Variants in TRPM1 observed in about 807,000 individuals in gnomAD.
The protein encoded by TRPM1 is TRPM1-203 APA Isoform, Intron 10.
TRPM1 carries 113 observed loss-of-function variants against 149.4 expected under a neutral mutation model. The observed-to-expected ratio is 0.76, with a 90% CI of 0.65 to 0.88. The LOEUF (loss-of-function observed/expected upper bound fraction) is 0.88. TRPM1 is among the 40% of genes least tolerant of loss of function. TRPM1 has a pLI of 0.00. For synonymous variants in TRPM1, 741 were observed against 759.5 expected (o/e 0.98, Z 0.40); for missense variants, 1,976 against 2,038.7 (o/e 0.97, Z 0.59).
intron 1 of TRPM1, among the ~76,000 whole-genome samples, chr15:31,083,410 T>G (rs1004941528): frequency 3.9e-5 from 6 of 152,130 alleles, no homozygotes; most frequent in African/African-American, 1.4e-4. Context: ...CCTCAGGATG[T>G]GGGAACGCTG....
chr15:31,006,327 G>A (rs952281621), intron 27 of TRPM1, among the ~76,000 whole-genome samples: 7 of 152,092 alleles, frequency 4.6e-5, no homozygotes, highest in East Asian at 1.9e-4. Context: ...ACAGGCGCCC[G>A]CCACCATGCC....
intron 1 of TRPM1, among the ~76,000 whole-genome samples, chr15:31,090,167 C>T (rs2035194766): frequency 6.6e-6 from 1 of 152,168 alleles, no homozygotes; most frequent in Admixed American, 6.5e-5. Flanking sequence ...TCTCAGCACA[C>T]ATGCTCTCGT....
chr15:31,045,332 A>G (rs1201062914), intron 16 of TRPM1, among the ~76,000 whole-genome samples: 1 of 152,186 alleles, frequency 6.6e-6, no homozygotes. Flanking sequence ...GGTCTGGGAC[A>G]TTGTTCTTAC....
intron 1 of TRPM1, among the ~76,000 whole-genome samples, chr15:31,125,939 TG>T (rs1180816014): frequency 6.6e-6 from 1 of 151,206 alleles, no homozygotes; most frequent in East Asian, 2.0e-4. Context: ...GAGAGTAGCC[TG>T]GCCAACATGG....
At position 31,144,164 on chromosome 15, in the gene TRPM1, G is replaced by T. The variant is rs551200222; in HGVS notation, c.54+16742C>A. On this transcript the variant is annotated intron_variant, in intron 1 of 26. Transcript: ENST00000542188. The stretch of plus-strand genomic sequence containing the variant: ...TTTTCAAAGTCCCATCTGAGGCCAG[G>T]TACAGTGGTTCACACCTGTAATCCC... Among the ~76,000 whole-genome samples the T allele has an allele frequency of 1.2e-4, 18 of 152,238 alleles. No individual in the cohort carries two copies. In the South Asian group the frequency reaches 3.7e-3, roughly 32 times the overall value.
At chr15:31,032,598 T>C in intron 22 of TRPM1, 91 bp downstream of exon 22, 1 of 1,512,536 alleles carries the variant, frequency 6.6e-7, no homozygotes, top group South Asian at 1.1e-5. Flanking sequence ...AAAAACCAAA[T>C]GAAATTGAAG....
rs753949535 is a variant in TRPM1 at position 31,027,032 on chromosome 15, G to C, written c.3379C>G (p.Pro1127Ala). Residue 1127 changes from proline (P) to alanine (A), a missense_variant, in exon 26 of 28, where the codon CCA (proline) becomes GCA (alanine). Pro to Ala is a conservative substitution (Grantham distance 27, BLOSUM62 -1). This residue lies in a region of TRPM1 where 72 missense variants were observed against 112.7 expected (regional missense o/e 0.64). Coordinates refer to ENST00000256552, the MANE Select transcript of TRPM1 (RefSeq NM_001252024.2). The part of the protein sequence containing the change: ...YQLIMTFHDR[P>A]VLPPPMIILS... Reference sequence around the variant, plus strand: ...ATGATCATCGGTGGGGGCAGGACTGGCCTGTCATGAAATGTCATAATCAGC... The same window carrying C: ...ATGATCATCGGTGGGGGCAGGACTGCCCTGTCATGAAATGTCATAATCAGC... 1 of 1,614,122 alleles carries C rather than the reference G, an allele frequency of 6.2e-7. No individual in the cohort carries two copies. Among genetic ancestry groups the C allele is most frequent in the Non-Finnish European group, 8.5e-7 (1 of 1,180,026 alleles).
chr15:31,115,597 G>A (rs2035787746), intron 1 of TRPM1, among the ~76,000 whole-genome samples: 1 of 152,020 alleles, frequency 6.6e-6, no homozygotes, highest in Admixed American at 6.6e-5. Flanking sequence ...CAATCTTAGG[G>A]TACCCCTCAC....
chr15:31,067,704 A>G (rs889899717), intron 5 of TRPM1, among the ~76,000 whole-genome samples, 175 bp downstream of exon 5: 1 of 151,838 alleles, frequency 6.6e-6, no homozygotes, highest in African/African-American at 2.4e-5. Context: ...GTTTTTTTTT[A>G]AGAGTCATAT....
At chr15:31,046,362 T>C in intron 15 of TRPM1, 129 bp from the exon 16 acceptor site, 2 of 850,320 alleles carry the variant, frequency 2.4e-6, no homozygotes, top group Admixed American at 4.0e-5. Flanking sequence ...TAACAATTAA[T>C]GATAATATCC....
At chr15:31,004,457 C>G (rs1416855923) in intron 27 of TRPM1, among the ~76,000 whole-genome samples, 2 of 151,958 alleles carry the variant, frequency 1.3e-5, no homozygotes, top group African/African-American at 4.8e-5. Flanking sequence ...GCTAATGCCA[C>G]TCTTCTGTTG....
At position 31,042,082 on chromosome 15, in the gene TRPM1, G is replaced by A. The variant is rs1021108113; in HGVS notation, c.1956C>T (p.Phe652=). 3 of 1,614,186 alleles carry A rather than the reference G, an allele frequency of 1.9e-6. No homozygotes were observed. Among genetic ancestry groups the A allele is most frequent in the Middle Eastern group, 1.7e-4 (1 of 6,060 alleles). ...VLMKRQKMAV[F]LWQRGEESMA... is the part of the protein sequence containing the mutation. ...TGCTCTCTTCCCCTCGCTGCCAGAG[G>A]AACACTGCCATTTTCTGGCGTTTCA... Residue 652 remains phenylalanine, a synonymous_variant, in exon 17 of 28, where the codon TTC becomes TTT. Transcript: ENST00000256552.
At chr15:31,029,883 A>G (rs536252714) in intron 23 of TRPM1, among the ~76,000 whole-genome samples, 1 of 152,282 alleles carries the variant, frequency 6.6e-6, no homozygotes, top group East Asian at 1.9e-4. Context: ...TCATAACCCA[A>G]TTTAATTTAA....
chr15:31,083,942 T>C (rs2034930051), intron 1 of TRPM1, among the ~76,000 whole-genome samples: 1 of 152,178 alleles, frequency 6.6e-6, no homozygotes, highest in Non-Finnish European at 1.5e-5. Flanking sequence ...TTGGAAGACC[T>C]TTGAAACCTA....
At chr15:31,007,684 AACAACAAC>A (rs1436662053) in intron 27 of TRPM1, among the ~76,000 whole-genome samples, 1 of 151,978 alleles carries the variant, frequency 6.6e-6, no homozygotes, top group Non-Finnish European at 1.5e-5. Flanking sequence ...CAACAACAAC[AACAACAAC>A]AACAGTTGAC....
intron 25 of TRPM1, 49 bp from the exon 26 acceptor site, chr15:31,027,166 G>A: frequency 1.3e-6 from 2 of 1,564,984 alleles, no homozygotes; most frequent in South Asian, 2.2e-5. Context: ...TTTTTATAGT[G>A]ATTTCCCAGA....
intron 27 of TRPM1, among the ~76,000 whole-genome samples, chr15:31,006,323 G>A (rs1566984722): frequency 1.3e-5 from 2 of 152,024 alleles, no homozygotes; most frequent in Non-Finnish European, 2.9e-5. Context: ...GATCACAGGC[G>A]CCCGCCACCA....
chr15:31,047,065 A>T, intron 15 of TRPM1, 46 bp downstream of exon 15: 1 of 1,613,120 alleles, frequency 6.2e-7, no homozygotes, highest in Non-Finnish European at 8.5e-7. Flanking sequence ...GAGGAACCAC[A>T]TGGTACTCGC....
intron 14 of TRPM1, 39 bp from the exon 15 acceptor site, chr15:31,047,290 G>A (rs770994163): frequency 1.2e-5 from 19 of 1,613,490 alleles, no homozygotes; most frequent in South Asian, 1.1e-4. Flanking sequence ...GTGAGAATGC[G>A]TTCGCAGTGT....
Sources: gnomAD v4.1 joint callset for allele counts (sites outside exome capture counted in the v4.1 genomes callset) on GRCh38, gnomAD v4.1.1 for gene constraint, gnomAD v4.1.1 regional missense constraint, MANE v1.5 for transcripts, NCBI Gene and HGNC (gene_info 2026-07-23, HGNC 2026-07-21) for gene names.